The following MCM6 variants were observed in gnomAD, a reference collection of about 807,000 sequenced individuals.
MCM6 encodes the protein minichromosome maintenance complex component 6, also known as DNA replication licensing factor MCM6.
Under a neutral mutation model 94.3 loss-of-function variants are expected in MCM6, and 46 were observed. That is an observed-to-expected ratio of 0.49 (90% confidence interval 0.39 to 0.62). The LOEUF (loss-of-function observed/expected upper bound fraction) is 0.62. MCM6 is among the 20% of genes least tolerant of loss of function. The pLI is 0.00. For synonymous variants in MCM6, 335 were observed against 351.9 expected (o/e 0.95, Z 0.54); for missense variants, 865 against 1,017.9 (o/e 0.85, Z 2.04).
intron 11 of MCM6, among the ~76,000 whole-genome samples, chr2:135,855,651 T>C (rs1479074844): frequency 6.6e-6 from 1 of 152,064 alleles, no homozygotes; most frequent in African/African-American, 2.4e-5. Flanking sequence ...GAGTAAGACT[T>C]TGTCTTTAAA....
rs200725312 is a variant in MCM6 at position 135,866,209 on chromosome 2, G to A, written c.850C>T (p.Leu284Phe). The change falls in exon 6 of 17, where the codon CTC becomes TTC. Residue 284 changes from leucine (L) to phenylalanine (F), a missense_variant. Physicochemically the swap from Leu to Phe is conservative, Grantham distance 22. Around this residue, in one of 3 missense-constraint regions of MCM6, gnomAD observed 404 missense variants for 451.9 expected, o/e 0.89. Coordinates refer to ENST00000264156, the MANE Select transcript of MCM6 (RefSeq NM_005915.6). ...DGYETEGIRG[L>F]RALGVRDLSY... Reference sequence around the variant, plus strand: ...AGGTCCCTAACACCAAGGGCCCGGAGTCCTCGAATGCCTTCTGTCTCATAT... The same window carrying A: ...AGGTCCCTAACACCAAGGGCCCGGAATCCTCGAATGCCTTCTGTCTCATAT... The A allele has an allele frequency of 2.5e-6, 4 of 1,614,196 alleles. No homozygotes were observed. In the East Asian group the frequency reaches 8.9e-5, roughly 36 times the overall value.
intron 16 of MCM6, among the ~76,000 whole-genome samples, chr2:135,842,125 T>C (rs1223060200): frequency 6.6e-6 from 1 of 151,966 alleles, no homozygotes. Flanking sequence ...AATAAATAAA[T>C]AAATAAATAG....
chr2:135,860,395 A>G (rs1349716606), intron 8 of MCM6, among the ~76,000 whole-genome samples: 4 of 152,150 alleles, frequency 2.6e-5, no homozygotes, highest in Admixed American at 1.3e-4. Flanking sequence ...CAGCCTCCCA[A>G]AGTGCTGGGA....
At position 135,865,300 on chromosome 2, in the gene MCM6, A is replaced by C. The variant is rs916192887; in HGVS notation, c.928-137T>G. 6 of 541,370 alleles carry C rather than the reference A, an allele frequency of 1.1e-5. No homozygotes were observed. The African/African-American group carries it at 1.2e-4, about 11-fold the overall frequency. The allele number at this position is 541,370 out of a possible 1,614,324, so 33.5% of individuals were successfully genotyped here. On this transcript the variant is annotated intron_variant, in intron 6 of 16. Transcript: ENST00000264156. Reference sequence around the variant, plus strand: ...TTTATTGACTGTAAAGGTTTAAAAAAAAACAACTCCCCAAACTAGTAAGCC... The same window carrying C: ...TTTATTGACTGTAAAGGTTTAAAAACAAACAACTCCCCAAACTAGTAAGCC...
chr2:135,865,198 T>C lies in MCM6; in HGVS notation c.928-35A>G, dbSNP rs747506461. 2.6e-5 allele frequency: 36 copies of C among 1,378,300 alleles called. No individual in the cohort carries two copies. In the Middle Eastern group the frequency reaches 5.8e-4, roughly 22 times the overall value. The allele number at this position is 1,378,300 out of a possible 1,614,324, so 85.4% of individuals were successfully genotyped here. On this transcript the variant is annotated intron_variant, in intron 6 of 16. Coordinates refer to ENST00000264156, the MANE Select transcript of MCM6 (RefSeq NM_005915.6). ...GAGAACAAAGGAAGAATCATTAGTA[T>C]AGAAGCAGTCAAAAGAGCATAAAGG...
At chr2:135,870,156 C>A in intron 3 of MCM6, 95 bp downstream of exon 3, 1 of 810,430 alleles carries the variant, frequency 1.2e-6, no homozygotes, top group Non-Finnish European at 2.1e-6. Flanking sequence ...CAGCTAATAG[C>A]AGATCAAGGC....
chr2:135,866,438 C>T, intron 5 of MCM6, 125 bp downstream of exon 5: 1 of 1,398,680 alleles, frequency 7.1e-7, no homozygotes, highest in Non-Finnish European at 9.8e-7. Flanking sequence ...TTTTTATTCT[C>T]ATCACACTTC....
Position 135,868,715 on chromosome 2 carries a change from G to A in MCM6, c.511C>T (p.Gln171Ter), listed in dbSNP as rs766931124. The change falls in exon 4 of 17, where the codon CAG becomes TAG. Residue 171 changes from glutamine (Q) to a stop codon, truncating the protein, a stop_gained. Transcript: ENST00000264156. LOFTEE classifies it high-confidence loss of function. ...CQTVIRDVEQ[Q>*]FKYTQPNICR... ...ATGTTTGGCTGTGTGTATTTGAACT[G>A]CTGTTCTACATCCCTGATCACTGTC... The A allele has an allele frequency of 1.9e-6, 3 of 1,614,176 alleles. No homozygotes were observed. Among genetic ancestry groups the A allele is most frequent in the Non-Finnish European group, 2.5e-6 (3 of 1,180,034 alleles).
At chr2:135,866,427 GT>G in intron 5 of MCM6, 135 bp downstream of exon 5, 1 of 1,392,600 alleles carries the variant, frequency 7.2e-7, no homozygotes, top group Non-Finnish European at 9.8e-7. Flanking sequence ...AAACCAATTT[GT>G]TTTTATTCTC....
At chr2:135,844,815 G>A in intron 15 of MCM6, 131 bp from the exon 16 acceptor site, 1 of 854,162 alleles carries the variant, frequency 1.2e-6, no homozygotes, top group Non-Finnish European at 1.7e-6. Flanking sequence ...AGTACATCTG[G>A]TGACGTAAGG....
chr2:135,840,887 T>A lies in MCM6; in HGVS notation c.2414A>T (p.Tyr805Phe). ...AACTACCAAGTAGGGATCTTCTTCA[T>A]AGCTCTCACTTCCCTCTGTGGAGCC... The part of the protein sequence containing the change: ...LKGSTEGSES[Y>F]EEDPYLVVNP... Residue 805 changes from tyrosine (Y) to phenylalanine (F), a missense_variant, in exon 17 of 17, where the codon TAT becomes TTT. Tyr to Phe is a conservative substitution (Grantham distance 22). Coordinates refer to ENST00000264156, the MANE Select transcript of MCM6 (RefSeq NM_005915.6). 1 of 1,614,226 alleles carries A rather than the reference T, an allele frequency of 6.2e-7. No homozygotes were observed. Among genetic ancestry groups the A allele is most frequent in the Non-Finnish European group, 8.5e-7 (1 of 1,180,014 alleles).
At position 135,865,157 on chromosome 2, in the gene MCM6, C is replaced by T. The variant is rs1680067496; in HGVS notation, c.934G>A (p.Gly312Arg). 2.0e-6 allele frequency: 3 copies of T among 1,519,022 alleles called. No homozygotes were observed. The highest frequency in any genetic ancestry group is 2.6e-6 in the Non-Finnish European group (3 of 1,135,384). The allele number at this position is 1,519,022 out of a possible 1,614,324, so 94.1% of individuals were successfully genotyped here. A position where few individuals can be genotyped will look rare whatever the true frequency, so the allele number is the denominator to read the frequency against. Residue 312 changes from glycine (G) to arginine (R), a missense_variant, in exon 7 of 17, where the codon GGG becomes AGG. By Grantham distance (125) the Gly-to-Arg change is moderately radical. This residue lies in a region of MCM6 where 404 missense variants were observed against 451.9 expected (regional missense o/e 0.89). Transcript: ENST00000264156. ...TGTTCCTCATCTCTGAGCTCTTTCC[C>T]CCCAAACTAATGGTAGAGAACAAAG... Reference protein sequence around the residue: ...CVAPTNPRFGGKELRDEEQTA... With the variant: ...CVAPTNPRFGRKELRDEEQTA...
intron 15 of MCM6, 102 bp downstream of exon 15, chr2:135,846,135 T>C: frequency 8.3e-7 from 1 of 1,198,312 alleles, no homozygotes; most frequent in Non-Finnish European, 1.2e-6. Flanking sequence ...ACTTATCCTC[T>C]CTTCCGACAG....
chr2:135,852,894 TG>T lies in MCM6; in HGVS notation c.1647del (p.Arg550GlyfsTer3). ...ECNEVTDYAIARRIVDLHSRI... is the reference protein window; with the variant it reads ...ECNEVTDYAIXRRIVDLHSRI... ...CTTGAATGCAAATCTACTATGCGCC[TG>T]GCAATGGCATAATCTGTAACCTAAT... On this transcript the variant is annotated frameshift_variant, in exon 12 of 17. Coordinates refer to ENST00000264156, the MANE Select transcript of MCM6 (RefSeq NM_005915.6). LOFTEE classifies it high-confidence loss of function. 6.2e-7 allele frequency: 1 copy of T among 1,609,118 alleles called. No homozygotes were observed. The highest frequency in any genetic ancestry group is 8.5e-7 in the Non-Finnish European group (1 of 1,178,196).
chr2:135,840,677 G>C lies in MCM6; in HGVS notation c.*158C>G, dbSNP rs1679551658. ...TTGGTATGAAACCTGTGATGAATGT[G>C]ACACATAGGACCATCAACTCAATTC... On this transcript the variant is annotated 3_prime_UTR_variant, in exon 17 of 17. Transcript: ENST00000264156. 1 of 585,334 alleles carries C rather than the reference G, an allele frequency of 1.7e-6. No homozygotes were observed. The highest frequency in any genetic ancestry group is 3.1e-6 in the Non-Finnish European group (1 of 326,940). The allele number at this position is 585,334 out of a possible 1,614,324, so 36.3% of individuals were successfully genotyped here.
chr2:135,845,693 C>T (rs920990318), intron 15 of MCM6, among the ~76,000 whole-genome samples: 6 of 152,278 alleles, frequency 3.9e-5, no homozygotes, highest in African/African-American at 1.4e-4. Context: ...TTTCCTTCTG[C>T]TTTGTAGTTA....
At chr2:135,852,942 G>A in intron 11 of MCM6, 27 bp from the exon 12 acceptor site, 2 of 1,568,842 alleles carry the variant, frequency 1.3e-6, no homozygotes, top group East Asian at 2.3e-5. Flanking sequence ...AAATCACTTT[G>A]ATAGTCACAG....
At chr2:135,866,496 G>T in intron 5 of MCM6, 67 bp downstream of exon 5, 1 of 1,502,932 alleles carries the variant, frequency 6.7e-7, no homozygotes, top group Non-Finnish European at 9.0e-7. Context: ...ATGAAGATGT[G>T]GGAAGCTAGA....
intron 6 of MCM6, 127 bp downstream of exon 6, chr2:135,866,005 G>A (rs1395884610): frequency 1.9e-6 from 2 of 1,078,940 alleles, no homozygotes; most frequent in African/African-American, 3.2e-5. Context: ...AGGAGGTTGA[G>A]ATGGTAGGAT....
Sources: allele counts gnomAD v4.1 joint callset (sites outside exome capture counted in the v4.1 genomes callset), GRCh38; gene constraint gnomAD v4.1.1; regional missense constraint gnomAD v4.1.1; transcripts MANE v1.5; gene names NCBI Gene and HGNC (gene_info 2026-07-23, HGNC 2026-07-21).